The following CORO2B variants were observed in gnomAD, a reference collection of about 807,000 sequenced individuals.
CORO2B encodes coronin 2B.
CORO2B carries 26 observed loss-of-function variants against 58.8 expected under a neutral mutation model. That is an observed-to-expected ratio of 0.44 (90% CI 0.32 to 0.61). The LOEUF is 0.61. Among genes scored for constraint, CORO2B ranks in the 20% least tolerant of loss-of-function variants. The pLI is 0.04. For synonymous variants in CORO2B, 242 were observed against 253.8 expected (o/e 0.95, Z 0.44); for missense variants, 460 against 645.1 (o/e 0.71, Z 3.11).
chr15:68,662,930 AT>A (rs201416310), intron 2 of CORO2B, among the ~76,000 whole-genome samples: 50 of 150,586 alleles, frequency 3.3e-4, no homozygotes, highest in Middle Eastern at 3.4e-3. Context: ...CTTTTTCTTA[AT>A]TTTTTTTTTC....
At chr15:68,609,221 GGTGGTGGT>G (rs1319920856) in intron 1 of CORO2B, among the ~76,000 whole-genome samples, 1 of 152,198 alleles carries the variant, frequency 6.6e-6, no homozygotes, top group East Asian at 1.9e-4. Context: ...GCATTGTGGT[GGTGGTGGT>G]TGGGGGGATG....
chr15:68,695,093 G>T, intron 2 of CORO2B, 47 bp from the exon 3 acceptor site: 2 of 1,472,332 alleles, frequency 1.4e-6, no homozygotes, highest in Non-Finnish European at 1.9e-6. Flanking sequence ...CCACCCCAGG[G>T]CCATCAAACT....
intron 1 of CORO2B, among the ~76,000 whole-genome samples, chr15:68,626,223 A>G (rs1900678663): frequency 6.6e-6 from 1 of 152,204 alleles, no homozygotes; most frequent in Admixed American, 6.5e-5. Flanking sequence ...TGAGAACCAT[A>G]ACGCAGGAGG....
At chr15:68,561,268 G>A in the CORO2B span, among the ~76,000 whole-genome samples, 2 of 152,118 alleles carry the variant, frequency 1.3e-5, no homozygotes, top group African/African-American at 2.4e-5. Context: ...CACGCTGGGC[G>A]GCCCCCCTCC....
At chr15:68,622,393 A>G (rs1900551921) in intron 1 of CORO2B, among the ~76,000 whole-genome samples, 1 of 152,190 alleles carries the variant, frequency 6.6e-6, no homozygotes, top group Non-Finnish European at 1.5e-5. Flanking sequence ...GTTGAAGGCC[A>G]TGGGGATTTG....
At chr15:68,545,508 G>A in the CORO2B span, among the ~76,000 whole-genome samples, 1 of 151,290 alleles carries the variant, frequency 6.6e-6, no homozygotes, top group Non-Finnish European at 1.5e-5. Flanking sequence ...TTCCCCATTG[G>A]CCTTCCCATC....
chr15:68,689,355 G>A (rs1892300154), intron 2 of CORO2B, among the ~76,000 whole-genome samples: 1 of 151,736 alleles, frequency 6.6e-6, no homozygotes, highest in Admixed American at 6.6e-5. Context: ...GGACAATTCT[G>A]TGAGCCGACC....
intron 1 of CORO2B, among the ~76,000 whole-genome samples, chr15:68,631,613 G>C (rs144322448): frequency 1.1e-3 from 165 of 152,272 alleles, no homozygotes; most frequent in Middle Eastern, 3.4e-3. Flanking sequence ...TGACACCAGG[G>C]CCCAGCTTAC....
chr15:68,557,526 A>C, the CORO2B span, among the ~76,000 whole-genome samples: 6 of 152,236 alleles, frequency 3.9e-5, no homozygotes, highest in Admixed American at 2.6e-4. Flanking sequence ...ATCCAAGGTC[A>C]TACATCTGGA....
intron 2 of CORO2B, among the ~76,000 whole-genome samples, chr15:68,664,546 C>G (rs763348748): frequency 7.2e-5 from 11 of 152,016 alleles, no homozygotes; most frequent in Non-Finnish European, 1.6e-4. Flanking sequence ...ACTTGGGAGG[C>G]TGAGGCAGGA....
the CORO2B span, among the ~76,000 whole-genome samples, chr15:68,534,447 A>G: frequency 6.6e-6 from 1 of 152,268 alleles, no homozygotes; most frequent in Non-Finnish European, 1.5e-5. Flanking sequence ...TTTTATCTCC[A>G]GATCCAGGTA....
chr15:68,684,492 A>G (rs6494760), intron 2 of CORO2B, among the ~76,000 whole-genome samples: 28,587 of 152,156 alleles, frequency 0.19, 3,120 homozygotes, highest in Non-Finnish European at 0.24. Context: ...GCACGTACAT[A>G]TGTGTGTGTG....
At chr15:68,657,502 A>T (rs1423500999) in intron 2 of CORO2B, among the ~76,000 whole-genome samples, 1 of 142,372 alleles carries the variant, frequency 7.0e-6, no homozygotes, top group East Asian at 2.1e-4. Context: ...TAGGTGACAA[A>T]ATGAGATCCT....
At chr15:68,685,299 C>T (rs976343204) in intron 2 of CORO2B, among the ~76,000 whole-genome samples, 7 of 152,220 alleles carry the variant, frequency 4.6e-5, no homozygotes, top group Non-Finnish European at 1.0e-4. Context: ...CAACCTCCTC[C>T]TCCTGGGTTC....
At chr15:68,687,333 T>C (rs1596014625) in intron 2 of CORO2B, among the ~76,000 whole-genome samples, 1 of 152,364 alleles carries the variant, frequency 6.6e-6, no homozygotes, top group East Asian at 1.9e-4. Context: ...TTTGCTTCCA[T>C]GTACAAAATT....
At chr15:68,561,412 C>A in the CORO2B span, among the ~76,000 whole-genome samples, 1 of 152,140 alleles carries the variant, frequency 6.6e-6, no homozygotes, top group African/African-American at 2.4e-5. Context: ...ACCCCCAGCC[C>A]CACTCAGAGC....
intron 2 of CORO2B, among the ~76,000 whole-genome samples, chr15:68,673,239 G>A (rs1567003839): frequency 1.3e-5 from 2 of 152,100 alleles, no homozygotes. Flanking sequence ...TCTTAAAGAT[G>A]AGAAAGAAAG....
the CORO2B span, among the ~76,000 whole-genome samples, chr15:68,531,557 A>ACGG: frequency 3.0e-4 from 42 of 140,136 alleles, no homozygotes; most frequent in African/African-American, 1.1e-3. Flanking sequence ...GGAAGGAAGG[A>ACGG]AAGAAAGAGA....
intron 1 of CORO2B, among the ~76,000 whole-genome samples, chr15:68,591,925 T>A (rs1899717309): frequency 6.6e-6 from 1 of 152,170 alleles, no homozygotes. Context: ...GCCCTGACCC[T>A]CCCTGGCTGT....
Sources: allele counts gnomAD v4.1 joint callset (sites outside exome capture counted in the v4.1 genomes callset), GRCh38; gene constraint gnomAD v4.1.1; transcripts MANE v1.5; gene names NCBI Gene and HGNC (gene_info 2026-07-23, HGNC 2026-07-21).